AUTS2: variants seen among roughly 807,000 people sequenced by gnomAD.
AUTS2 encodes the protein activator of transcription and developmental regulator AUTS2.
In AUTS2, 17 loss-of-function variants were observed where a neutral mutation model predicts 112.4. That is an observed-to-expected ratio of 0.15 (90% CI 0.10 to 0.23). The LOEUF (loss-of-function observed/expected upper bound fraction) is 0.23, where lower values mean the gene tolerates loss of function less well. AUTS2 is among the 10% of genes least tolerant of loss of function. AUTS2 has a pLI of 1.00. For synonymous variants in AUTS2, 751 were observed against 702.7 expected, an observed-to-expected ratio of 1.07 and a Z score of -1.09; for missense variants, 1,510 against 1,701.6, an observed-to-expected ratio of 0.89 and a Z score of 1.98.
chr7:70,663,010 C>T (rs184072231), intron 5 of AUTS2, among the ~76,000 whole-genome samples: 220 of 152,320 alleles, frequency 1.4e-3, no homozygotes, highest in Non-Finnish European at 2.6e-3. Flanking sequence ...CACTTATCCC[C>T]ATTTTACAGA....
intron 1 of AUTS2, among the ~76,000 whole-genome samples, chr7:69,691,857 A>AT (rs1395391268): frequency 2.2e-4 from 33 of 151,558 alleles, no homozygotes; most frequent in Admixed American, 5.9e-4. Context: ...GGGAGGATAG[A>AT]TTTTTTTTTG....
chr7:70,531,701 A>G (rs916277512), intron 5 of AUTS2, among the ~76,000 whole-genome samples: 3 of 152,036 alleles, frequency 2.0e-5, no homozygotes, highest in African/African-American at 7.3e-5. Flanking sequence ...ATCCACCCCC[A>G]TGACCCCAAC....
intron 5 of AUTS2, among the ~76,000 whole-genome samples, chr7:70,688,563 C>A (rs1808584540): frequency 6.6e-6 from 1 of 152,212 alleles, no homozygotes; most frequent in Non-Finnish European, 1.5e-5. Context: ...TGCAGTGACT[C>A]ATGCCTCTAA....
Position 69,775,882 on chromosome 7 carries a change from CGGT to C in AUTS2, c.310-123403_310-123401del, listed in dbSNP as rs1788871883. On this transcript the variant is annotated intron_variant, in intron 1 of 18. Transcript: ENST00000342771. ...CTCTGTTTTGACAGTGCAAATACCC[CGGT>C]CTCATTTCTCTGCTTTTAAATAATA... Among the ~76,000 whole-genome samples the C allele has an allele frequency of 1.3e-5, 2 of 152,082 alleles. 1 individual carries two copies. The highest frequency in any genetic ancestry group is 4.1e-4 in the South Asian group (2 of 4,820).
intron 5 of AUTS2, among the ~76,000 whole-genome samples, chr7:70,673,359 T>G (rs6957958): frequency 0.41 from 60,839 of 149,948 alleles, 12,616 homozygotes; most frequent in African/African-American, 0.47. Flanking sequence ...CTTGATTGTC[T>G]TTTTTTTTCT....
intron 2 of AUTS2, among the ~76,000 whole-genome samples, chr7:70,026,991 G>A (rs188854641): frequency 2.4e-3 from 363 of 148,888 alleles, no homozygotes; most frequent in Non-Finnish European, 4.7e-3. Flanking sequence ...TTTTTTTTAC[G>A]TTTAGTACAG....
At position 70,121,428 on chromosome 7, in the gene AUTS2, T is replaced by C. The variant is rs181832051; in HGVS notation, c.624+3195T>C. Among the ~76,000 whole-genome samples, 6 of 152,156 alleles carry C rather than the reference T, an allele frequency of 3.9e-5. No individual in the cohort carries two copies. The East Asian group carries it at 1.2e-3, about 29-fold the overall frequency. ...GACAGCCTACAAAATGGGGAAAAGA[T>C]TTGCAAATCATATAAGTGGTGTTTA... On this transcript the variant is annotated intron_variant, in intron 3 of 18. Transcript: ENST00000342771.
intron 1 of AUTS2, among the ~76,000 whole-genome samples, chr7:69,779,048 TTTAAA>T (rs1789025636): frequency 7.4e-6 from 1 of 134,746 alleles, no homozygotes; most frequent in Admixed American, 7.3e-5. Context: ...CCTTTTTTTT[TTTAAA>T]AAAAAAAAAA....
intron 4 of AUTS2, among the ~76,000 whole-genome samples, chr7:70,165,207 A>G (rs551104410): frequency 6.6e-6 from 1 of 152,224 alleles, no homozygotes; most frequent in African/African-American, 2.4e-5. Context: ...GAGCATTGCC[A>G]TAGAAAATTT....
At chr7:70,340,199 GT>G (rs1791200950) in intron 4 of AUTS2, among the ~76,000 whole-genome samples, 1 of 101,060 alleles carries the variant, frequency 9.9e-6, no homozygotes, top group African/African-American at 4.4e-5. Flanking sequence ...CACACACCCC[GT>G]AATAAGTTAA....
chr7:70,780,925 T>C (rs1204570123), intron 14 of AUTS2, among the ~76,000 whole-genome samples: 3 of 152,186 alleles, frequency 2.0e-5, no homozygotes, highest in African/African-American at 7.2e-5. Context: ...TCATGCAGAA[T>C]TCCTAATAAA....
chr7:70,487,274 C>T (rs12154972), intron 5 of AUTS2, among the ~76,000 whole-genome samples: 54 of 152,094 alleles, frequency 3.6e-4, no homozygotes, highest in Admixed American at 6.5e-4. Context: ...CCAACACTGG[C>T]GATGTTGCAT....
At position 70,777,106 on chromosome 7, in the gene AUTS2, C is replaced by T; in HGVS notation, c.1936C>T (p.Pro646Ser). 1 of 1,614,074 alleles carries T rather than the reference C, an allele frequency of 6.2e-7. No homozygotes were observed. Among genetic ancestry groups the T allele is most frequent in the Non-Finnish European group, 8.5e-7 (1 of 1,180,000 alleles). Residue 646 changes from proline to serine, a missense_variant, in exon 14 of 19, where the codon CCA becomes TCA. Physicochemically the swap from Pro to Ser is moderately conservative, Grantham distance 74 (BLOSUM62 -1). This residue lies in a region of AUTS2 where 187 missense variants were observed against 309.7 expected (regional missense o/e 0.60). Transcript: ENST00000342771. Reference sequence around the variant, plus strand: ...ACGTTGCTCTTTCTTGTTCCAGAAACCAGGGAAGTGGTGTGCTATGCATGT... The same window carrying T: ...ACGTTGCTCTTTCTTGTTCCAGAAATCAGGGAAGTGGTGTGCTATGCATGT... ...TDPFRPMLRKPGKWCAMHVHI... is the reference protein window; with the variant it reads ...TDPFRPMLRKSGKWCAMHVHI...
At chr7:70,581,539 G>C (rs1585329547) in intron 5 of AUTS2, among the ~76,000 whole-genome samples, 1 of 152,146 alleles carries the variant, frequency 6.6e-6, no homozygotes, top group East Asian at 1.9e-4. Flanking sequence ...CCTCCAACCT[G>C]TTTCAAAGAA....
chr7:69,785,949 G>A (rs1227751777), intron 1 of AUTS2, among the ~76,000 whole-genome samples: 2 of 152,138 alleles, frequency 1.3e-5, no homozygotes, highest in Admixed American at 6.5e-5. Context: ...TCCTGCTTCA[G>A]CCTCCCAAGT....
intron 2 of AUTS2, among the ~76,000 whole-genome samples, chr7:69,934,100 C>T (rs1796321482): frequency 6.6e-6 from 1 of 152,102 alleles, no homozygotes; most frequent in African/African-American, 2.4e-5. Flanking sequence ...TATCCTGGAG[C>T]GAAACTCATA....
chr7:70,686,332 G>A (rs1808473644), intron 5 of AUTS2, among the ~76,000 whole-genome samples: 1 of 152,038 alleles, frequency 6.6e-6, no homozygotes, highest in Admixed American at 6.5e-5. Flanking sequence ...TGATGTTATG[G>A]CCATACTTTC....
chr7:70,240,771 T>G (rs1210749490), intron 4 of AUTS2, among the ~76,000 whole-genome samples: 1 of 152,222 alleles, frequency 6.6e-6, no homozygotes, highest in African/African-American at 2.4e-5. Context: ...TATGGGAGAT[T>G]ACAGTTTTCT....
chr7:70,331,125 A>T (rs1790725541), intron 4 of AUTS2, among the ~76,000 whole-genome samples: 1 of 152,098 alleles, frequency 6.6e-6, no homozygotes, highest in African/African-American at 2.4e-5. Context: ...AAGAGATGGT[A>T]CCAGCTCCTC....
Sources: allele counts gnomAD v4.1 joint callset (sites outside exome capture counted in the v4.1 genomes callset), GRCh38; gene constraint gnomAD v4.1.1; regional missense constraint gnomAD v4.1.1; transcripts MANE v1.5; gene names NCBI Gene and HGNC (gene_info 2026-07-23, HGNC 2026-07-21).